The following PCED1B variants were observed in gnomAD, a reference collection of about 807,000 sequenced individuals.
PCED1B encodes PC-esterase domain-containing protein 1B.
For synonymous variants in PCED1B, 251 were observed against 246.1 expected, an observed-to-expected ratio of 1.02 and a Z score of -0.19; for missense variants, 573 against 573.9, an observed-to-expected ratio of 1.00 and a Z score of 0.02.
chr12:47,234,658 T>G (rs1038509341), intron 3 of PCED1B, among the ~76,000 whole-genome samples: 11 of 152,196 alleles, frequency 7.2e-5, no homozygotes, highest in Non-Finnish European at 1.6e-4. Context: ...GCCTCCAGGC[T>G]CTTGGCTAGG....
chr12:47,201,666 T>G (rs562119713), intron 2 of PCED1B, among the ~76,000 whole-genome samples: 6 of 152,244 alleles, frequency 3.9e-5, no homozygotes, highest in African/African-American at 1.4e-4. Context: ...TGGTGCGATC[T>G]TGGCTCGCTG....
rs764394729 is a variant in PCED1B at position 47,235,290 on chromosome 12, A to ACCGTGAGGT, written c.231_239dup (p.Val79_Glu81dup). The stretch of plus-strand genomic sequence containing the variant: ...GGCCACATGCACAACGGCCTTAACT[A>ACCGTGAGGT]CCGTGAGGTCCGCGAGTTCCGCTCC... On this transcript the variant is annotated inframe_insertion, in exon 4 of 4. Transcript: ENST00000546455. 1.9e-6 allele frequency: 3 copies of ACCGTGAGGT among 1,613,994 alleles called. No individual in the cohort carries two copies. Among genetic ancestry groups the ACCGTGAGGT allele is most frequent in the Non-Finnish European group, 2.5e-6 (3 of 1,179,998 alleles).
At chr12:47,153,176 T>C (rs536067905) in intron 2 of PCED1B, among the ~76,000 whole-genome samples, 9 of 151,522 alleles carry the variant, frequency 5.9e-5, no homozygotes, top group Admixed American at 3.3e-4. Flanking sequence ...GGTGAAACCC[T>C]GTCTCTACTG....
intron 2 of PCED1B, among the ~76,000 whole-genome samples, chr12:47,133,939 C>T (rs892169465): frequency 6.6e-6 from 1 of 152,226 alleles, no homozygotes. Flanking sequence ...TGTGAGGATA[C>T]GAGAAGATGG....
At chr12:47,133,054 T>G (rs996717410) in intron 2 of PCED1B, among the ~76,000 whole-genome samples, 4 of 152,234 alleles carry the variant, frequency 2.6e-5, no homozygotes, top group African/African-American at 9.6e-5. Flanking sequence ...TTTCCCCTGT[T>G]TCTTACAAAG....
chr12:47,168,376 T>A (rs187874080), intron 2 of PCED1B, among the ~76,000 whole-genome samples: 1 of 152,328 alleles, frequency 6.6e-6, no homozygotes, highest in African/African-American at 2.4e-5. Context: ...TCTCTTATAA[T>A]GTTTTCAGTG....
chr12:47,228,500 C>T (rs1943702015), intron 3 of PCED1B, among the ~76,000 whole-genome samples: 1 of 152,150 alleles, frequency 6.6e-6, no homozygotes, highest in Non-Finnish European at 1.5e-5. Flanking sequence ...GATCCTTCTT[C>T]TATTAGAGAT....
intron 2 of PCED1B, among the ~76,000 whole-genome samples, chr12:47,200,290 A>C (rs1027659445): frequency 9.9e-5 from 15 of 152,240 alleles, no homozygotes; most frequent in African/African-American, 3.6e-4. Flanking sequence ...AAAGACCTGA[A>C]TAGACACCGC....
chr12:47,168,499 T>A (rs894654453), intron 2 of PCED1B, among the ~76,000 whole-genome samples: 1 of 152,174 alleles, frequency 6.6e-6, no homozygotes, highest in Admixed American at 6.5e-5. Flanking sequence ...CTTTTACTTA[T>A]TATTTTGCTT....
intron 2 of PCED1B, among the ~76,000 whole-genome samples, chr12:47,104,779 A>C (rs993029997): frequency 5.9e-5 from 9 of 152,138 alleles, no homozygotes; most frequent in African/African-American, 1.9e-4. Context: ...CCAGATGACC[A>C]CACTTGGTGA....
chr12:47,189,139 A>G (rs1294566993), intron 2 of PCED1B, among the ~76,000 whole-genome samples: 1 of 151,898 alleles, frequency 6.6e-6, no homozygotes, highest in Non-Finnish European at 1.5e-5. Context: ...CTTCAGCTTT[A>G]TTGCTTGTTT....
intron 2 of PCED1B, among the ~76,000 whole-genome samples, chr12:47,144,778 A>G (rs1940724526): frequency 6.6e-6 from 1 of 152,160 alleles, no homozygotes; most frequent in African/African-American, 2.4e-5. Context: ...TTAATCAACA[A>G]ACGTTGTGTG....
intron 2 of PCED1B, among the ~76,000 whole-genome samples, chr12:47,106,057 C>A (rs977752594): frequency 2.0e-5 from 3 of 152,104 alleles, no homozygotes; most frequent in African/African-American, 7.2e-5. Context: ...GAGGAGCTAA[C>A]AAGACTAGAG....
chr12:47,220,783 A>G (rs1033967984), intron 3 of PCED1B, among the ~76,000 whole-genome samples: 1 of 152,222 alleles, frequency 6.6e-6, no homozygotes, highest in Non-Finnish European at 1.5e-5. Flanking sequence ...AGATTTTTCT[A>G]TCTAGGAGAG....
intron 2 of PCED1B, among the ~76,000 whole-genome samples, chr12:47,182,509 T>G (rs975096216): frequency 6.6e-6 from 1 of 151,420 alleles, no homozygotes; most frequent in Non-Finnish European, 1.5e-5. Flanking sequence ...GAGAATCACT[T>G]GAATCTGGGA....
intron 2 of PCED1B, among the ~76,000 whole-genome samples, chr12:47,134,760 C>T (rs926309227): frequency 6.6e-5 from 10 of 152,086 alleles, no homozygotes; most frequent in African/African-American, 1.7e-4. Context: ...CCCAGCTACT[C>T]GGGAAGCTGA....
intron 2 of PCED1B, among the ~76,000 whole-genome samples, chr12:47,169,261 A>G (rs1294869420): frequency 6.6e-6 from 1 of 152,160 alleles, no homozygotes; most frequent in African/African-American, 2.4e-5. Flanking sequence ...GAAACTTAGC[A>G]AGGCCTATTT....
chr12:47,159,282 T>C (rs1180640081), intron 2 of PCED1B, among the ~76,000 whole-genome samples: 1 of 152,208 alleles, frequency 6.6e-6, no homozygotes, highest in East Asian at 1.9e-4. Context: ...CTGGATTGTA[T>C]GGTAGTTGTT....
intron 2 of PCED1B, among the ~76,000 whole-genome samples, chr12:47,199,856 G>A (rs1302095844): frequency 6.6e-6 from 1 of 152,110 alleles, no homozygotes; most frequent in East Asian, 1.9e-4. Context: ...ATCCATGAAA[G>A]AAAAATTGAT....
Sources: allele counts gnomAD v4.1 joint callset (sites outside exome capture counted in the v4.1 genomes callset), GRCh38; gene constraint gnomAD v4.1.1; transcripts MANE v1.5; gene names NCBI Gene and HGNC (gene_info 2026-07-23, HGNC 2026-07-21).